The following TSC22D4 variants were observed in gnomAD, a reference collection of about 807,000 sequenced individuals.
The protein encoded by TSC22D4 is TSC22 domain family member 4, also known as TSC22 domain family protein 4.
In TSC22D4, 5 loss-of-function variants were observed where a neutral mutation model predicts 24.9. That is an observed-to-expected ratio of 0.20 (90% CI 0.10 to 0.42). The LOEUF is 0.42. TSC22D4 is among the 10% of genes least tolerant of loss of function. TSC22D4 has a pLI of 1.00. For synonymous variants in TSC22D4, 245 were observed against 243.2 expected, an observed-to-expected ratio of 1.01 and a Z score of -0.07; for missense variants, 469 against 547.9, an observed-to-expected ratio of 0.86 and a Z score of 1.44.
rs1799545235 is a variant in TSC22D4, at chr7:100,478,137, C to T, written c.-99G>A. 1.9e-5 allele frequency: 20 copies of T among 1,068,238 alleles called. No homozygotes were observed. The highest frequency in any genetic ancestry group is 3.1e-4 in the Middle Eastern group (1 of 3,200). 66.2% of individuals were successfully genotyped at this position (1,068,238 alleles called of 1,614,324 possible). A position where few individuals can be genotyped will look rare whatever the true frequency, so the allele number is the denominator to read the frequency against. ...GAACAAGGGGGCCACATGGCGGGGA[C>T]ATCCGAGCCCCTGGGGACGTCTGGG... is the stretch of plus-strand genomic sequence containing the variant. On this transcript the variant is annotated 5_prime_UTR_variant, in exon 2 of 5. The change abolishes an upstream ATG in the 5' untranslated region. Transcript: ENST00000300181.
intron 3 of TSC22D4, among the ~76,000 whole-genome samples, chr7:100,468,371 C>T (rs1171881909): frequency 3.3e-5 from 5 of 152,124 alleles, no homozygotes; most frequent in Admixed American, 6.5e-5. Context: ...GGCTGGCCTT[C>T]GGAGGCCCCT....
intron 1 of TSC22D4, among the ~76,000 whole-genome samples, chr7:100,478,555 A>C (rs1375790091): frequency 6.6e-6 from 1 of 151,984 alleles, no homozygotes; most frequent in African/African-American, 2.4e-5. Context: ...AAAGAGGCAG[A>C]TGAGTCCCAG....
In TSC22D4 at chr7:100,478,141, C is replaced by T. The variant is rs559200865; in HGVS notation, c.-103G>A. On this transcript the variant is annotated 5_prime_UTR_variant, in exon 2 of 5. Coordinates refer to ENST00000300181, the MANE Select transcript of TSC22D4 (RefSeq NM_030935.5). The stretch of plus-strand genomic sequence containing the variant: ...AAGGGGGCCACATGGCGGGGACATC[C>T]GAGCCCCTGGGGACGTCTGGGTCCG... The T allele has an allele frequency of 4.9e-5, 51 of 1,047,360 alleles. No homozygotes were observed. The highest frequency in any genetic ancestry group is 3.9e-4 in the African/African-American group (24 of 61,740). 64.9% of individuals were successfully genotyped at this position (1,047,360 alleles called of 1,614,324 possible). A position where few individuals can be genotyped will look rare whatever the true frequency, so the allele number is the denominator to read the frequency against.
chr7:100,473,598 C>A (rs910707483), intron 3 of TSC22D4, among the ~76,000 whole-genome samples: 2 of 151,650 alleles, frequency 1.3e-5, no homozygotes, highest in Non-Finnish European at 2.9e-5. Context: ...CGTACCACCA[C>A]GCCTGGCTAA....
chr7:100,468,566 C>G (rs1799334157), intron 3 of TSC22D4, among the ~76,000 whole-genome samples: 2 of 152,152 alleles, frequency 1.3e-5, no homozygotes, highest in Non-Finnish European at 2.9e-5. Flanking sequence ...CAGAGGGTCC[C>G]TGAGTCTCCA....
At position 100,477,163 on chromosome 7, in the gene TSC22D4, T is replaced by C; in HGVS notation, c.762+114A>G. On this transcript the variant is annotated intron_variant, in intron 2 of 4. Transcript: ENST00000300181. The surrounding 1 kb of genome is among the most constrained non-coding windows in gnomAD (Gnocchi z 7.8). ...GGCAGGCACAGAGAAGAGGGCTATC[T>C]GATCTTATAAAGTGATGGAGAAGGA... is the stretch of plus-strand genomic sequence containing the variant. 1.1e-6 allele frequency: 1 copy of C among 950,660 alleles called. No homozygotes were observed. Among genetic ancestry groups the C allele is most frequent in the South Asian group, 3.1e-5 (1 of 32,258 alleles). 58.9% of individuals were successfully genotyped at this position (950,660 alleles called of 1,614,324 possible).
intron 3 of TSC22D4, chr7:100,468,107 A>C (rs1293507344): frequency 3.0e-5 from 10 of 328,964 alleles, no homozygotes; most frequent in South Asian, 7.1e-5. Flanking sequence ...GATATACACC[A>C]CCCCCCCAAG....
chr7:100,472,962 C>A (rs1799421955), intron 3 of TSC22D4, among the ~76,000 whole-genome samples: 1 of 152,100 alleles, frequency 6.6e-6, no homozygotes, highest in African/African-American at 2.4e-5. Context: ...CAGGAAGTCC[C>A]TCCCCTTGAA....
chr7:100,469,444 A>G (rs1367011704), intron 3 of TSC22D4, among the ~76,000 whole-genome samples: 1 of 152,070 alleles, frequency 6.6e-6, no homozygotes, highest in Non-Finnish European at 1.5e-5. Flanking sequence ...CTGGCTCAAC[A>G]GCCCCCAGGG....
Position 100,477,613 on chromosome 7 carries a change from T to C in TSC22D4, c.426A>G (p.Ser142=), listed in dbSNP as rs1799526263. The C allele has an allele frequency of 1.9e-6, 3 of 1,598,974 alleles. No homozygotes were observed. Among genetic ancestry groups the C allele is most frequent in the Non-Finnish European group, 2.6e-6 (3 of 1,175,448 alleles). ...SLGLGAPTPP[S]GLSQGPTSWL... ...AGGAGGTGGGGCCCTGAGACAGGCCTGACGGTGGGGTGGGGGCGCCCAGGC... is the reference window on the plus strand; with the variant it reads ...AGGAGGTGGGGCCCTGAGACAGGCCCGACGGTGGGGTGGGGGCGCCCAGGC... Residue 142 remains serine (S), a synonymous_variant, in exon 2 of 5, where the codon TCA becomes TCG. Transcript: ENST00000300181. The surrounding 1 kb of genome is among the most constrained non-coding windows in gnomAD (Gnocchi z 7.8).
In TSC22D4 at chr7:100,474,926, C is replaced by T. The variant is rs1012313336; in HGVS notation, c.763-486G>A. ...AAGCGATCCTCCAGCCTCAGCCACC[C>T]GAGTAGCTGGGACTACAGGCATGCA... On this transcript the variant is annotated intron_variant, in intron 2 of 4. Coordinates refer to ENST00000300181, the MANE Select transcript of TSC22D4 (RefSeq NM_030935.5). The surrounding 1 kb of genome is among the most constrained non-coding windows in gnomAD (Gnocchi z 4.3). Among the ~76,000 whole-genome samples the T allele has an allele frequency of 2.0e-5, 3 of 152,074 alleles. No homozygotes were observed. Among genetic ancestry groups the T allele is most frequent in the Admixed American group, 6.6e-5 (1 of 15,262 alleles).
chr7:100,477,881 C>T lies in TSC22D4; in HGVS notation c.158G>A (p.Gly53Glu). ...LPNGEPSPDP[G>E]GKGTPRNGSP... The stretch of plus-strand genomic sequence containing the variant: ...GCCATTCCGGGGGGTGCCCTTGCCC[C>T]CCGGATCGGGGCTGGGCTCCCCATT... The change falls in exon 2 of 5, where the codon GGG becomes GAG. Residue 53 changes from glycine to glutamate, a missense_variant. Coordinates refer to ENST00000300181, the MANE Select transcript of TSC22D4 (RefSeq NM_030935.5). This position sits in a 1 kb window ranked among gnomAD's most constrained non-coding sequence, Gnocchi z 7.8. The T allele has an allele frequency of 1.3e-6, 2 of 1,579,306 alleles. No homozygotes were observed. The highest frequency in any genetic ancestry group is 1.7e-6 in the Non-Finnish European group (2 of 1,164,256).
In TSC22D4 at chr7:100,474,378, C is replaced by T; in HGVS notation, c.825G>A (p.Leu275=). The T allele has an allele frequency of 1.2e-6, 2 of 1,614,112 alleles. No individual in the cohort carries two copies. The highest frequency in any genetic ancestry group is 1.7e-6 in the Non-Finnish European group (2 of 1,180,024). The change falls in exon 3 of 5, where the codon CTG becomes CTA. Residue 275 remains leucine, a synonymous_variant. Transcript: ENST00000300181. The surrounding 1 kb of genome is among the most constrained non-coding windows in gnomAD (Gnocchi z 4.3). ...CGAAGGGGTCTGGAGATTTGTGAAC[C>T]AGGCTGGCATCGTGGGTGAAGTAGA... is the stretch of plus-strand genomic sequence containing the variant. ...PALYFTHDAS[L]VHKSPDPFGA...
Position 100,466,779 on chromosome 7 carries a change from C to A in TSC22D4, c.*180G>T. On this transcript the variant is annotated 3_prime_UTR_variant, in exon 5 of 5. Coordinates refer to ENST00000300181, the MANE Select transcript of TSC22D4 (RefSeq NM_030935.5). ...CTGACGCCCCGTCCTGAAGCCCTCC[C>A]TCCTCCATCAAGGCTGGGGATGATG... is the stretch of plus-strand genomic sequence containing the variant. The A allele has an allele frequency of 2.9e-6, 2 of 690,006 alleles. No individual in the cohort carries two copies. The highest frequency in any genetic ancestry group is 4.3e-5 in the South Asian group (2 of 47,016). 42.7% of individuals were successfully genotyped at this position (690,006 alleles called of 1,614,324 possible). A position where few individuals can be genotyped will look rare whatever the true frequency, so the allele number is the denominator to read the frequency against.
chr7:100,477,198 G>C lies in TSC22D4; in HGVS notation c.762+79C>G, dbSNP rs572063652. On this transcript the variant is annotated intron_variant, in intron 2 of 4. Transcript: ENST00000300181. The surrounding 1 kb of genome is among the most constrained non-coding windows in gnomAD (Gnocchi z 7.8). ...AAGTGATGGAGAAGGAGGAGGAGAG[G>C]GGGGGGAGGAGGAGGAAGGAGGCTC... The C allele has an allele frequency of 8.8e-5, 103 of 1,174,868 alleles. 1 individual carries two copies. The highest frequency in any genetic ancestry group is 1.9e-4 in the African/African-American group (12 of 63,420). The allele number at this position is 1,174,868 out of a possible 1,614,324, so 72.8% of individuals were successfully genotyped here.
intron 4 of TSC22D4, 167 bp downstream of exon 4, chr7:100,467,385 G>C (rs1799302552): frequency 1.1e-6 from 1 of 880,442 alleles, no homozygotes. Flanking sequence ...GCAAAGTCAA[G>C]GGTGGAGGTG....
Position 100,478,170 on chromosome 7 carries a change from T to G in TSC22D4, c.-132A>C, listed in dbSNP as rs1584354102. ...CCCCTGGGGACGTCTGGGTCCGACA[T>G]GGCAGGAGGGCCTGGCGGGAACCGG... On this transcript the variant is annotated 5_prime_UTR_variant, in exon 2 of 5. It removes an upstream start codon present in the reference 5' UTR. Transcript: ENST00000300181. 1 of 490,696 alleles carries G rather than the reference T, an allele frequency of 2.0e-6. No individual in the cohort carries two copies. The highest frequency in any genetic ancestry group is 2.4e-5 in the South Asian group (1 of 41,306). 30.4% of individuals were successfully genotyped at this position (490,696 alleles called of 1,614,324 possible).
intron 3 of TSC22D4, among the ~76,000 whole-genome samples, chr7:100,472,519 CA>C (rs1004005905): frequency 7.2e-6 from 1 of 138,394 alleles, no homozygotes; most frequent in African/African-American, 2.8e-5. Context: ...GTGAACTCAA[CA>C]GGGGTGGGGG....
At chr7:100,472,746 G>A (rs1473153198) in intron 3 of TSC22D4, among the ~76,000 whole-genome samples, 7 of 95,362 alleles carry the variant, frequency 7.3e-5, no homozygotes, top group East Asian at 3.2e-4. Context: ...CTTGCCCTCC[G>A]TCCCACCAGC....
Sources: allele counts gnomAD v4.1 joint callset (sites outside exome capture counted in the v4.1 genomes callset), GRCh38; gene constraint gnomAD v4.1.1; non-coding constraint Gnocchi (gnomAD v3.1); transcripts MANE v1.5; gene names NCBI Gene and HGNC (gene_info 2026-07-23, HGNC 2026-07-21).